LRRC37A2: variants seen among roughly 807,000 people sequenced by gnomAD.
LRRC37A2 encodes the protein leucine-rich repeat-containing protein 37A2.
LRRC37A2 carries 9 observed loss-of-function variants against 68.8 expected under a neutral mutation model. That is an observed-to-expected ratio of 0.13 (90% CI 0.08 to 0.23). The LOEUF (loss-of-function observed/expected upper bound fraction) is 0.23, where lower values mean the gene tolerates loss of function less well. Ranked by LOEUF, LRRC37A2 falls within the 10% of genes least tolerant of loss-of-function variation. The pLI is 1.00. For missense variants in LRRC37A2, 168 were observed against 950.4 expected (o/e 0.18, Z 10.82); for synonymous variants, 63 against 367.6 (o/e 0.17, Z 9.48).
chr17:46,725,285 A>G, the LRRC37A2 span, among the ~76,000 whole-genome samples: 1 of 152,222 alleles, frequency 6.6e-6, no homozygotes, highest in Non-Finnish European at 1.5e-5. Flanking sequence ...CATGAACAGA[A>G]TAAAGCTTTT....
At chr17:46,749,777 G>A in the LRRC37A2 span, 13 of 1,612,486 alleles carry the variant, frequency 8.1e-6, no homozygotes, top group Non-Finnish European at 6.8e-6. Flanking sequence ...GATCAGGGCC[G>A]CAAGCTTCTT....
chr17:46,870,509 C>T, the LRRC37A2 span, among the ~76,000 whole-genome samples: 1 of 152,190 alleles, frequency 6.6e-6, no homozygotes. Flanking sequence ...GGGAGAGGAG[C>T]CCAGGGCCAG....
chr17:46,821,927 C>T, the LRRC37A2 span, among the ~76,000 whole-genome samples: 2 of 152,242 alleles, frequency 1.3e-5, no homozygotes, highest in African/African-American at 2.4e-5. Context: ...TGGGGCTACC[C>T]GTCTGTCGCG....
At chr17:46,530,439 A>G (rs562650675) in intron 6 of LRRC37A2, among the ~76,000 whole-genome samples, 1 of 143,628 alleles carries the variant, frequency 7.0e-6, no homozygotes, top group Non-Finnish European at 1.5e-5. Flanking sequence ...GCACTGAAAA[A>G]CCATCTGGAA....
the LRRC37A2 span, chr17:46,935,816 G>T: frequency 7.1e-6 from 7 of 985,950 alleles, no homozygotes; most frequent in South Asian, 2.8e-4. Context: ...CACAGACTCT[G>T]ATGTCAGTCA....
At chr17:46,824,566 A>G in the LRRC37A2 span, among the ~76,000 whole-genome samples, 7 of 152,206 alleles carry the variant, frequency 4.6e-5, no homozygotes, top group Non-Finnish European at 1.0e-4. Flanking sequence ...CATACTACAT[A>G]GCAGACATAT....
At chr17:46,884,667 A>G in the LRRC37A2 span, among the ~76,000 whole-genome samples, 4 of 152,182 alleles carry the variant, frequency 2.6e-5, no homozygotes, top group Non-Finnish European at 5.9e-5. Flanking sequence ...TTGTATTTGA[A>G]TCTTATGACA....
chr17:46,638,750 C>G, the LRRC37A2 span, among the ~76,000 whole-genome samples: 4 of 128,228 alleles, frequency 3.1e-5, no homozygotes, highest in African/African-American at 1.3e-4. Flanking sequence ...TCAAGTGATC[C>G]TCCCACCTCG....
At chr17:46,869,215 A>C in the LRRC37A2 span, among the ~76,000 whole-genome samples, 1 of 152,156 alleles carries the variant, frequency 6.6e-6, no homozygotes, top group African/African-American at 2.4e-5. Context: ...ACCACTAATA[A>C]AATTAACCGA....
the LRRC37A2 span, chr17:46,875,389 G>T: frequency 2.6e-6 from 4 of 1,566,960 alleles, no homozygotes; most frequent in Non-Finnish European, 3.5e-6. Flanking sequence ...CTGGCTGCCC[G>T]CAGTGCCTTC....
the LRRC37A2 span, among the ~76,000 whole-genome samples, chr17:46,772,133 G>A: frequency 6.6e-6 from 1 of 152,174 alleles, no homozygotes; most frequent in Non-Finnish European, 1.5e-5. Context: ...AGCTGGGCGC[G>A]AACCTGGGTT....
the LRRC37A2 span, among the ~76,000 whole-genome samples, chr17:46,920,508 C>T: frequency 6.6e-6 from 1 of 152,138 alleles, no homozygotes; most frequent in South Asian, 2.1e-4. Flanking sequence ...GATCCAGGAT[C>T]CAGGAAAAGA....
chr17:46,857,854 G>A, the LRRC37A2 span, among the ~76,000 whole-genome samples: 2 of 152,106 alleles, frequency 1.3e-5, no homozygotes, highest in African/African-American at 2.4e-5. Flanking sequence ...GTGTATATTG[G>A]TCATTTGAAT....
chr17:46,714,005 C>T, the LRRC37A2 span: 1 of 1,595,642 alleles, frequency 6.3e-7, no homozygotes, highest in Non-Finnish European at 8.5e-7. Flanking sequence ...ATTTTACTTT[C>T]ATTTTAATTT....
the LRRC37A2 span, chr17:46,872,887 G>C: frequency 2.1e-5 from 26 of 1,257,116 alleles, no homozygotes; most frequent in African/African-American, 3.8e-4. Flanking sequence ...AGGCCACACT[G>C]CCCTTCCTGC....
At chr17:46,959,106 G>A in the LRRC37A2 span, among the ~76,000 whole-genome samples, 7 of 152,330 alleles carry the variant, frequency 4.6e-5, no homozygotes, top group East Asian at 1.3e-3. Flanking sequence ...AAAGACTGTG[G>A]TGGGAATCTA....
At chr17:46,934,014 G>A in the LRRC37A2 span, among the ~76,000 whole-genome samples, 1 of 152,022 alleles carries the variant, frequency 6.6e-6, no homozygotes, top group Admixed American at 6.5e-5. Flanking sequence ...GAAAAGAGAA[G>A]GGAACGCTCT....
At chr17:46,838,822 G>T in the LRRC37A2 span, among the ~76,000 whole-genome samples, 1 of 152,148 alleles carries the variant, frequency 6.6e-6, no homozygotes, top group African/African-American at 2.4e-5. Flanking sequence ...TGTGCACAGA[G>T]AGGGGATTAC....
the LRRC37A2 span, among the ~76,000 whole-genome samples, chr17:46,840,011 C>CT: frequency 1.2e-5 from 1 of 82,940 alleles, no homozygotes; most frequent in African/African-American, 5.2e-5. Flanking sequence ...TTCTTTCTTT[C>CT]TTTCTTTCTT....
Sources: allele counts gnomAD v4.1 joint callset (sites outside exome capture counted in the v4.1 genomes callset), GRCh38; gene constraint gnomAD v4.1.1; transcripts MANE v1.5; gene names NCBI Gene and HGNC (gene_info 2026-07-23, HGNC 2026-07-21).